The following PCBP2 variants were observed in gnomAD, a reference collection of about 807,000 sequenced individuals.
PCBP2 encodes poly(rC)-binding protein 2.
PCBP2 carries 4 observed loss-of-function variants against 50.1 expected under a neutral mutation model. The ratio of observed to expected loss-of-function variants is 0.08; its 90% CI spans 0.04 to 0.18. The LOEUF (loss-of-function observed/expected upper bound fraction) is 0.18. PCBP2 is among the 10% of genes least tolerant of loss of function. The probability of loss-of-function intolerance (pLI) is 1.00; values close to 1 mark genes in which losing one functional copy is unlikely to be tolerated. For synonymous variants in PCBP2, 179 were observed against 168.0 expected, an observed-to-expected ratio of 1.07 and a Z score of -0.51; for missense variants, 161 against 474.3, an observed-to-expected ratio of 0.34 and a Z score of 6.14.
chr12:53,465,638 C>G (rs541395655), intron 9 of PCBP2, among the ~76,000 whole-genome samples: 1 of 152,252 alleles, frequency 6.6e-6, no homozygotes, highest in East Asian at 1.9e-4. Flanking sequence ...CGAGGCATTG[C>G]TAATCTCACT....
intron 7 of PCBP2, among the ~76,000 whole-genome samples, chr12:53,461,388 G>C (rs951166548): frequency 1.3e-5 from 2 of 152,192 alleles, no homozygotes; most frequent in Admixed American, 6.5e-5. Context: ...TAGCAGAGTC[G>C]GGGAGAAGAT....
chr12:53,456,483 C>A (rs1210948612), intron 5 of PCBP2, among the ~76,000 whole-genome samples: 1 of 150,512 alleles, frequency 6.6e-6, no homozygotes, highest in Admixed American at 6.6e-5. Flanking sequence ...TCACTTGAAT[C>A]ATCAAAACAG....
At chr12:53,466,731 G>C (rs536855213) in intron 10 of PCBP2, among the ~76,000 whole-genome samples, 1 of 152,044 alleles carries the variant, frequency 6.6e-6, no homozygotes, top group Non-Finnish European at 1.5e-5. Flanking sequence ...CAGTGGTGGC[G>C]GTGATGGGAC....
chr12:53,472,843 A>G (rs117738081), intron 14 of PCBP2, among the ~76,000 whole-genome samples: 244 of 152,290 alleles, frequency 1.6e-3, no homozygotes, highest in South Asian at 5.4e-3. Context: ...TTGAGGTGCT[A>G]CTACTCTTTG....
chr12:53,476,049 C>T (rs1323824903), intron 14 of PCBP2: 1 of 152,200 alleles, frequency 6.6e-6, no homozygotes, highest in African/African-American at 2.4e-5. Context: ...AATTAGGCAG[C>T]TTCTGTCTGC....
Position 53,480,388 on chromosome 12 carries a change from G to A in PCBP2, c.*946G>A, listed in dbSNP as rs1592702144. The A allele has an allele frequency of 1.3e-5, 2 of 152,438 alleles. No homozygotes were observed. The highest frequency in any genetic ancestry group is 1.9e-4 in the East Asian group (1 of 5,184). The allele number at this position is 152,438 out of a possible 1,614,324, so 9.4% of individuals were successfully genotyped here. ...GAGAGTAGATGCAAAAAAGTGGAGG[G>A]GCAGGAGAACTTCTCCAGACACCTC... On this transcript the variant is annotated 3_prime_UTR_variant, in exon 15 of 15. Transcript: ENST00000546463.
At chr12:53,467,667 C>T (rs1359390656) in intron 11 of PCBP2, 138 bp from the exon 12 acceptor site, 12 of 755,402 alleles carry the variant, frequency 1.6e-5, no homozygotes, top group Non-Finnish European at 2.8e-5. Flanking sequence ...CCATTTGTGC[C>T]AAATTGTGTA....
chr12:53,474,934 A>G (rs944017496), intron 14 of PCBP2: 27 of 455,252 alleles, frequency 5.9e-5, no homozygotes, highest in East Asian at 2.8e-4. Context: ...CTCAGCATCA[A>G]CCTCTCTCAA....
intron 2 of PCBP2, 51 bp downstream of exon 2, chr12:53,454,920 C>A: frequency 7.0e-7 from 1 of 1,436,672 alleles, no homozygotes; most frequent in Non-Finnish European, 9.8e-7. Flanking sequence ...GGGGAGGGGC[C>A]AGGAAGAGCA....
In PCBP2 at chr12:53,477,071, AG is replaced by A. The variant is rs1434687259; in HGVS notation, c.1053-2334del. On this transcript the variant is annotated intron_variant, in intron 14 of 14. Transcript: ENST00000546463. ...GCTCCCCCATGTGGTCTTTTATCCT[AG>A]AGTACCTGACTCAGTATTTCATAGC... Among the ~76,000 whole-genome samples, 4 of 152,226 alleles carry A rather than the reference AG, an allele frequency of 2.6e-5. No individual in the cohort carries two copies. In the East Asian group the frequency reaches 7.7e-4, roughly 29 times the overall value.
intron 14 of PCBP2, among the ~76,000 whole-genome samples, chr12:53,472,587 C>T (rs187077056): frequency 8.2e-4 from 125 of 152,246 alleles, no homozygotes; most frequent in African/African-American, 2.8e-3. Context: ...GCCTTGAGGC[C>T]CTTAGGTCTC....
chr12:53,459,412 C>T lies in PCBP2; in HGVS notation c.375+9C>T, dbSNP rs1941276698. On this transcript the variant is annotated intron_variant, in intron 6 of 14. Coordinates refer to ENST00000546463, the MANE Select transcript of PCBP2 (RefSeq NM_031989.5). Reference sequence around the variant, plus strand: ...TCAAGGAAATACGAGAGGTTAGTGACTTTTGTCGTCCTTTTAGAAATGTTA... The same window carrying T: ...TCAAGGAAATACGAGAGGTTAGTGATTTTTGTCGTCCTTTTAGAAATGTTA... 4 of 1,605,990 alleles carry T rather than the reference C, an allele frequency of 2.5e-6. No homozygotes were observed. The South Asian group carries it at 4.4e-5, about 18-fold the overall frequency.
At chr12:53,456,045 C>A (rs1940984041) in intron 5 of PCBP2, 44 bp downstream of exon 5, 2 of 1,169,260 alleles carry the variant, frequency 1.7e-6, no homozygotes, top group East Asian at 4.7e-5. Context: ...TTAAGTGCTT[C>A]CAGAGAGCTT....
Position 53,462,384 on chromosome 12 carries a change from A to C in PCBP2, c.505-109A>C. The C allele has an allele frequency of 3.9e-6, 3 of 773,324 alleles. No homozygotes were observed. The African/African-American group carries it at 5.2e-5, about 13-fold the overall frequency. 47.9% of individuals were successfully genotyped at this position (773,324 alleles called of 1,614,324 possible). On this transcript the variant is annotated intron_variant, in intron 7 of 14. Coordinates refer to ENST00000546463, the MANE Select transcript of PCBP2 (RefSeq NM_031989.5). The stretch of plus-strand genomic sequence containing the variant: ...CAGAGACAATTTGGTAGGTAAGGGG[A>C]TGGAAATAGTTTTTAATTTAACTGA...
chr12:53,466,944 C>T (rs1291521370), intron 10 of PCBP2, among the ~76,000 whole-genome samples: 1 of 152,136 alleles, frequency 6.6e-6, no homozygotes, highest in Non-Finnish European at 1.5e-5. Context: ...TAAGTAGCCT[C>T]CAAGGGGGAT....
chr12:53,460,946 T>C lies in PCBP2; in HGVS notation c.376-69T>C. The C allele has an allele frequency of 3.2e-6, 5 of 1,553,730 alleles. No homozygotes were observed. In the East Asian group the frequency reaches 9.0e-5, roughly 28 times the overall value. On this transcript the variant is annotated intron_variant, in intron 6 of 14. Transcript: ENST00000546463. The stretch of plus-strand genomic sequence containing the variant: ...TCTACTAGAGTTTTAGGCTCTGAAA[T>C]TGCTGCTGGAGGAATTGGAAGAGCA...
intron 12 of PCBP2, chr12:53,468,426 G>T: frequency 3.5e-6 from 1 of 285,284 alleles, no homozygotes; most frequent in Non-Finnish European, 6.6e-6. Context: ...ATACAATTTG[G>T]AACACAACAG....
intron 5 of PCBP2, among the ~76,000 whole-genome samples, chr12:53,458,078 A>G (rs890683879): frequency 1.3e-5 from 2 of 151,188 alleles, no homozygotes; most frequent in East Asian, 2.0e-4. Context: ...ATAGGCGCCT[A>G]CCACCATGCC....
chr12:53,472,551 C>T (rs1261345413), intron 14 of PCBP2, among the ~76,000 whole-genome samples: 1 of 152,200 alleles, frequency 6.6e-6, no homozygotes, highest in African/African-American at 2.4e-5. Flanking sequence ...CCCTTAATTG[C>T]TTACTAATAT....
Sources: gnomAD v4.1 joint callset for allele counts (sites outside exome capture counted in the v4.1 genomes callset) on GRCh38, gnomAD v4.1.1 for gene constraint, MANE v1.5 for transcripts, NCBI Gene and HGNC (gene_info 2026-07-23, HGNC 2026-07-21) for gene names.